NLGN1: variants seen among roughly 807,000 people sequenced by gnomAD.
NLGN1 encodes the protein neuroligin-1.
A neutral mutation model predicts 65.5 loss-of-function variants in NLGN1; 12 were observed. The ratio of observed to expected loss-of-function variants is 0.18; its 90% CI spans 0.12 to 0.30. The LOEUF is 0.30. Ranked by LOEUF, NLGN1 falls within the 10% of genes least tolerant of loss-of-function variation. The pLI is 1.00. For missense variants in NLGN1, 750 were observed against 1,007.1 expected, an observed-to-expected ratio of 0.74 and a Z score of 3.46; for synonymous variants, 350 against 359.5, an observed-to-expected ratio of 0.97 and a Z score of 0.30.
intron 4 of NLGN1, among the ~76,000 whole-genome samples, chr3:173,946,364 A>C (rs1747148388): frequency 6.6e-6 from 1 of 152,004 alleles, no homozygotes; most frequent in Non-Finnish European, 1.5e-5. Flanking sequence ...TCTTCATAGG[A>C]AGGTTGCATT....
chr3:174,125,822 A>G lies in NLGN1; in HGVS notation c.647-149493A>G, dbSNP rs1448238888. 2.0e-5 allele frequency among the ~76,000 whole-genome samples: 3 copies of G among 152,256 alleles called. No homozygotes were observed. In the South Asian group the frequency reaches 6.2e-4, roughly 32 times the overall value. On this transcript the variant is annotated intron_variant, in intron 4 of 6. Transcript: ENST00000457714. ...TTTTAAGATTGTAGCATCCCAGGCC[A>G]CAAGGAGTGAGGAATATTTCCAGAG...
At chr3:174,218,461 C>T (rs1738047578) in intron 4 of NLGN1, among the ~76,000 whole-genome samples, 2 of 152,040 alleles carry the variant, frequency 1.3e-5, no homozygotes, top group Admixed American at 6.5e-5. Context: ...TCTTTCCCAC[C>T]ATGAATATTC....
chr3:173,451,283 G>A (rs1334273374), intron 2 of NLGN1, among the ~76,000 whole-genome samples: 3 of 152,152 alleles, frequency 2.0e-5, no homozygotes, highest in Non-Finnish European at 4.4e-5. Flanking sequence ...TTAACAGTCA[G>A]GACCCTCAGC....
At chr3:173,403,156 T>C (rs1718013044) in intron 1 of NLGN1, among the ~76,000 whole-genome samples, 1 of 152,178 alleles carries the variant, frequency 6.6e-6, no homozygotes, top group African/African-American at 2.4e-5. Flanking sequence ...ATGCATACTT[T>C]CATGATGTTA....
At chr3:173,449,609 G>C (rs1035254569) in intron 2 of NLGN1, among the ~76,000 whole-genome samples, 6 of 152,102 alleles carry the variant, frequency 3.9e-5, no homozygotes, top group African/African-American at 1.2e-4. Flanking sequence ...TTCAGTTCCT[G>C]GATATCCTTG....
intron 3 of NLGN1, among the ~76,000 whole-genome samples, chr3:173,694,047 A>G (rs1765843957): frequency 6.6e-6 from 1 of 152,126 alleles, no homozygotes. Flanking sequence ...CTTAAAAAGT[A>G]TGAGAACCCA....
intron 3 of NLGN1, among the ~76,000 whole-genome samples, chr3:173,723,849 G>A (rs183575183): frequency 2.4e-4 from 36 of 152,294 alleles, no homozygotes; most frequent in African/African-American, 8.4e-4. Context: ...TTTGATTAAT[G>A]ATGATTCAGA....
At chr3:173,604,972 G>C (rs1367569483) in exon 3 of NLGN1, 1 of 1,613,686 alleles carries the variant, frequency 6.2e-7, no homozygotes, top group South Asian at 1.1e-5. Context: ...ATTGATGGCA[G>C]ATTGCCAGAA....
chr3:174,078,128 T>C (rs1176569005), intron 4 of NLGN1, among the ~76,000 whole-genome samples: 1 of 152,128 alleles, frequency 6.6e-6, no homozygotes, highest in Non-Finnish European at 1.5e-5. Context: ...GATGTCTCTA[T>C]TATATTTTTA....
intron 4 of NLGN1, among the ~76,000 whole-genome samples, chr3:174,161,670 GT>G (rs1726550534): frequency 1.3e-5 from 2 of 151,994 alleles, no homozygotes; most frequent in Admixed American, 1.3e-4. Context: ...AGAAAGGTTA[GT>G]CAACAGGAAG....
chr3:174,015,210 A>G (rs1726306709), intron 4 of NLGN1, among the ~76,000 whole-genome samples: 1 of 152,196 alleles, frequency 6.6e-6, no homozygotes, highest in African/African-American at 2.4e-5. Context: ...TACAGAAGCT[A>G]TTATCAAGTT....
At chr3:173,738,881 A>T (rs1470494295) in intron 3 of NLGN1, among the ~76,000 whole-genome samples, 3 of 152,120 alleles carry the variant, frequency 2.0e-5, no homozygotes, top group Admixed American at 1.3e-4. Flanking sequence ...TTGATATTAG[A>T]ACATGGAAAA....
At chr3:173,670,540 A>G (rs1452931201) in intron 3 of NLGN1, among the ~76,000 whole-genome samples, 3 of 152,166 alleles carry the variant, frequency 2.0e-5, no homozygotes, top group East Asian at 1.9e-4. Context: ...CAGAAGTTCT[A>G]TAAGTAGCTC....
chr3:174,105,696 G>T lies in NLGN1; in HGVS notation c.647-169619G>T, dbSNP rs1181600963. 2.6e-5 allele frequency among the ~76,000 whole-genome samples: 4 copies of T among 151,846 alleles called. No homozygotes were observed. In the East Asian group the frequency reaches 7.8e-4, roughly 29 times the overall value. ...GACATAATATCTATATGTAGATATAGATATCTATATCTATATCTAGATATA... is the reference window on the plus strand; with the variant it reads ...GACATAATATCTATATGTAGATATATATATCTATATCTATATCTAGATATA... On this transcript the variant is annotated intron_variant, in intron 4 of 6. Coordinates refer to ENST00000457714, the Ensembl canonical transcript of NLGN1.
At chr3:173,947,171 T>G (rs141732401) in intron 4 of NLGN1, among the ~76,000 whole-genome samples, 2,284 of 151,748 alleles carry the variant, frequency 0.015, 26 homozygotes, top group Non-Finnish European at 0.026. Context: ...AAACGATTCT[T>G]GCCACCACGC....
At chr3:173,823,619 A>T (rs531161938) in intron 4 of NLGN1, among the ~76,000 whole-genome samples, 1 of 152,214 alleles carries the variant, frequency 6.6e-6, no homozygotes, top group East Asian at 1.9e-4. Context: ...ATCAACTAAA[A>T]TTAAATAAAG....
intron 3 of NLGN1, among the ~76,000 whole-genome samples, chr3:173,691,039 C>T (rs529893478): frequency 3.3e-5 from 5 of 152,010 alleles, no homozygotes; most frequent in Admixed American, 6.6e-5. Context: ...CTGGGGATTC[C>T]GGGAGATGGA....
intron 4 of NLGN1, among the ~76,000 whole-genome samples, chr3:174,113,087 A>G (rs1371514099): frequency 3.3e-5 from 5 of 151,986 alleles, no homozygotes; most frequent in Admixed American, 6.6e-5. Context: ...GAAAGGAAGA[A>G]GAGGCTACTT....
intron 2 of NLGN1, among the ~76,000 whole-genome samples, chr3:173,494,172 T>C (rs1576965495): frequency 6.8e-6 from 1 of 147,512 alleles, no homozygotes; most frequent in Non-Finnish European, 1.5e-5. Flanking sequence ...CGGGGAGTGG[T>C]GGTGGTGGTG....
Sources: gnomAD v4.1 joint callset for allele counts (sites outside exome capture counted in the v4.1 genomes callset) on GRCh38, gnomAD v4.1.1 for gene constraint, MANE v1.5 for transcripts, NCBI Gene and HGNC (gene_info 2026-07-23, HGNC 2026-07-21) for gene names.